Variants in IARS2 observed in about 807,000 individuals in gnomAD.
The protein encoded by IARS2 is isoleucine--tRNA ligase, mitochondrial.
Under a neutral mutation model 126.3 loss-of-function variants are expected in IARS2, and 56 were observed. The observed-to-expected ratio is 0.44, with a 90% confidence interval of 0.36 to 0.55. The LOEUF (loss-of-function observed/expected upper bound fraction) is 0.55, where lower values mean the gene tolerates loss of function less well. Ranked by LOEUF, IARS2 falls within the 20% of genes least tolerant of loss-of-function variation. The pLI, the probability that IARS2 is intolerant of heterozygous loss-of-function variation, is 0.00. For missense variants in IARS2, 1,127 were observed against 1,245.9 expected (o/e 0.90, Z 1.44); for synonymous variants, 407 against 441.1 (o/e 0.92, Z 0.97).
intron 1 of IARS2, among the ~76,000 whole-genome samples, chr1:220,095,253 G>A (rs903833857): frequency 2.6e-5 from 4 of 152,080 alleles, no homozygotes; most frequent in African/African-American, 9.7e-5. Flanking sequence ...TGGCCAGGGT[G>A]GTCTCTAACT....
At chr1:220,131,867 A>G (rs999747277) in intron 14 of IARS2, among the ~76,000 whole-genome samples, 52 of 142,190 alleles carry the variant, frequency 3.7e-4, no homozygotes, top group African/African-American at 1.3e-3. Context: ...GCACGATCTC[A>G]GCTCACTGCA....
chr1:220,141,452 T>C (rs1480015189), intron 19 of IARS2, among the ~76,000 whole-genome samples: 1 of 152,184 alleles, frequency 6.6e-6, no homozygotes, highest in Non-Finnish European at 1.5e-5. Context: ...CACATAGGGA[T>C]TATAACTCCT....
chr1:220,136,749 A>G, intron 15 of IARS2, 60 bp from the exon 16 acceptor site: 1 of 862,748 alleles, frequency 1.2e-6, no homozygotes, highest in Non-Finnish European at 1.8e-6. Flanking sequence ...GCTGTACCTA[A>G]TCTTCAAAAA....
In IARS2 at chr1:220,134,382, T is replaced by G; in HGVS notation, c.1838-20T>G. The G allele has an allele frequency of 6.6e-7, 1 of 1,525,534 alleles. No homozygotes were observed. Among genetic ancestry groups the G allele is most frequent in the Non-Finnish European group, 8.9e-7 (1 of 1,128,634 alleles). The allele number at this position is 1,525,534 out of a possible 1,614,324, so 94.5% of individuals were successfully genotyped here. A position where few individuals can be genotyped will look rare whatever the true frequency, so the allele number is the denominator to read the frequency against. ...ACTTAAATTTCTGGGTTTTTTTTTC[T>G]TTTAATACTTAATTTTGAGGTCCTG... On this transcript the variant is annotated intron_variant, in intron 14 of 22. Transcript: ENST00000366922.
intron 12 of IARS2, among the ~76,000 whole-genome samples, chr1:220,117,321 A>G (rs970532620): frequency 3.3e-5 from 5 of 149,914 alleles, no homozygotes. Context: ...CCTCCTGAGT[A>G]GTTGGGATTA....
At chr1:220,130,347 G>A (rs1285609158) in intron 14 of IARS2, among the ~76,000 whole-genome samples, 5 of 151,834 alleles carry the variant, frequency 3.3e-5, no homozygotes, top group African/African-American at 1.2e-4. Context: ...TTTCCTTTGT[G>A]TGCTGCAGCT....
At chr1:220,109,166 T>C (rs998422240) in intron 10 of IARS2, among the ~76,000 whole-genome samples, 1 of 152,040 alleles carries the variant, frequency 6.6e-6, no homozygotes, top group African/African-American at 2.4e-5. Flanking sequence ...TTTGGGAGGC[T>C]GAAGCGGACA....
Position 220,141,933 on chromosome 1 carries a change from A to G in IARS2, c.2545A>G (p.Ile849Val), listed in dbSNP as rs765929786. The stretch of plus-strand genomic sequence containing the variant: ...CCTGGCTGAAGAGGTGTTCCAGCAC[A>G]TACCTTATATTAAAGGTAAGGAATA... ...PHLAEEVFQHIPYIKEPKSVF... is the reference protein window; with the variant it reads ...PHLAEEVFQHVPYIKEPKSVF... Residue 849 changes from isoleucine (I) to valine (V), a missense_variant, in exon 20 of 23, where the codon ATA becomes GTA. Transcript: ENST00000366922. The G allele has an allele frequency of 1.2e-6, 2 of 1,613,784 alleles. No homozygotes were observed. The highest frequency in any genetic ancestry group is 1.7e-5 in the Admixed American group (1 of 59,950).
chr1:220,116,465 T>A (rs7418551), intron 12 of IARS2, among the ~76,000 whole-genome samples: 1 of 152,152 alleles, frequency 6.6e-6, no homozygotes, highest in African/African-American at 2.4e-5. Flanking sequence ...CAATTTTTTT[T>A]AATTTGGTGA....
intron 2 of IARS2, among the ~76,000 whole-genome samples, chr1:220,097,585 G>A (rs980293957): frequency 6.6e-6 from 1 of 151,508 alleles, no homozygotes; most frequent in Admixed American, 6.6e-5. Context: ...GGATGGTCTC[G>A]ATCTCCTGAC....
Position 220,139,024 on chromosome 1 carries a change from G to T in IARS2, c.2192G>T (p.Arg731Leu). 1 of 1,612,920 alleles carries T rather than the reference G, an allele frequency of 6.2e-7. No homozygotes were observed. Among genetic ancestry groups the T allele is most frequent in the Non-Finnish European group, 8.5e-7 (1 of 1,179,562 alleles). The change falls in exon 18 of 23, where the codon CGC (arginine) becomes CTC (leucine). Residue 731 changes from arginine to leucine, a missense_variant. Coordinates refer to ENST00000366922, the MANE Select transcript of IARS2 (RefSeq NM_018060.4). Reference sequence around the variant, plus strand: ...TATGAATAGCTTAGGAATACACTTCGCTTTCTTTTGGGAAATGTGGCTGAT... The same window carrying T: ...TATGAATAGCTTAGGAATACACTTCTCTTTCTTTTGGGAAATGTGGCTGAT... The part of the protein sequence containing the change: ...DDISKLRNTL[R>L]FLLGNVADFN...
At chr1:220,102,868 A>G in intron 7 of IARS2, 91 bp downstream of exon 7, 1 of 767,750 alleles carries the variant, frequency 1.3e-6, no homozygotes. Flanking sequence ...CCTGTTTATT[A>G]TTGTAAAATT....
chr1:220,141,295 G>A (rs182536375), intron 19 of IARS2, among the ~76,000 whole-genome samples: 1 of 152,198 alleles, frequency 6.6e-6, no homozygotes, highest in Admixed American at 6.5e-5. Flanking sequence ...TGGTAACAGT[G>A]TATAATATTA....
rs181528523 is a variant in IARS2 at position 220,118,299 on chromosome 1, A to G, written c.1640+3825A>G. 256 of 337,294 alleles carry G rather than the reference A, an allele frequency of 7.6e-4. 3 individuals are homozygous for G. Among genetic ancestry groups the G allele is most frequent in the African/African-American group, 5.6e-3 (249 of 44,488 alleles). The allele number at this position is 337,294 out of a possible 1,614,324, so 20.9% of individuals were successfully genotyped here. A position where few individuals can be genotyped will look rare whatever the true frequency, so the allele number is the denominator to read the frequency against. On this transcript the variant is annotated intron_variant, in intron 12 of 22. Coordinates refer to ENST00000366922, the MANE Select transcript of IARS2 (RefSeq NM_018060.4). ...TGGGAGCTGTACGATATCTCTAAGT[A>G]TACTTGTTTCACAGAAGAAAGTCTC... is the stretch of plus-strand genomic sequence containing the variant.
chr1:220,101,281 T>C lies in IARS2; in HGVS notation c.550+632T>C, dbSNP rs1362965696. ...TTGTCCTAAATATGAGGTCATTGTA[T>C]AAAGTCTGGAAAATACAGAAGACAG... On this transcript the variant is annotated intron_variant, in intron 3 of 22. Transcript: ENST00000366922. Among the ~76,000 whole-genome samples, 5 of 152,358 alleles carry C rather than the reference T, an allele frequency of 3.3e-5. No individual in the cohort carries two copies. The East Asian group carries it at 9.6e-4, about 29-fold the overall frequency.
intron 3 of IARS2, 28 bp from the exon 4 acceptor site, chr1:220,102,101 T>G: frequency 2.5e-6 from 4 of 1,583,866 alleles, no homozygotes; most frequent in Non-Finnish European, 3.4e-6. Context: ...ATTGGTTTTT[T>G]AAAATCTTTT....
At chr1:220,121,650 G>T (rs1657053819) in intron 12 of IARS2, among the ~76,000 whole-genome samples, 1 of 152,006 alleles carries the variant, frequency 6.6e-6, no homozygotes, top group African/African-American at 2.4e-5. Flanking sequence ...TTACTATGTT[G>T]CCCAGGCTGG....
chr1:220,095,542 C>G (rs192190471), intron 1 of IARS2, among the ~76,000 whole-genome samples: 3 of 152,120 alleles, frequency 2.0e-5, no homozygotes, highest in Non-Finnish European at 2.9e-5. Flanking sequence ...TCAAATGTTT[C>G]CTCGTTTAAT....
chr1:220,120,437 C>T (rs1657017905), intron 12 of IARS2, among the ~76,000 whole-genome samples: 1 of 150,878 alleles, frequency 6.6e-6, no homozygotes, highest in Admixed American at 6.6e-5. Flanking sequence ...TGCAGTGGTG[C>T]AATCTCGGCT....
Sources: gnomAD v4.1 joint callset for allele counts (sites outside exome capture counted in the v4.1 genomes callset) on GRCh38, gnomAD v4.1.1 for gene constraint, MANE v1.5 for transcripts, NCBI Gene and HGNC (gene_info 2026-07-23, HGNC 2026-07-21) for gene names.